Variants in AMOT observed in about 807,000 individuals in gnomAD.
AMOT encodes angiomotin.
Under a neutral mutation model 67.0 loss-of-function variants are expected in AMOT, and 11 were observed. That is an observed-to-expected ratio of 0.16 (90% CI 0.10 to 0.27). AMOT has a LOEUF of 0.27. Ranked by LOEUF, AMOT falls within the 10% of genes least tolerant of loss-of-function variation. The pLI is 1.00. For missense variants in AMOT, 753 were observed against 852.0 expected (o/e 0.88, Z 1.45); for synonymous variants, 326 against 321.4 (o/e 1.01, Z -0.15).
chrX:112,815,305 A>G, intron 5 of AMOT, 53 bp downstream of exon 5: 1 of 1,143,461 alleles, frequency 8.7e-7, no homozygotes. Flanking sequence ...ATATTAAACA[A>G]GTCTCACAAA....
At chrX:112,805,782 A>C (rs5974282) in intron 7 of AMOT, among the ~76,000 whole-genome samples, 10,526 of 111,007 alleles carry the variant, frequency 0.095, 446 homozygotes, top group Admixed American at 0.2. Context: ...CTTTTATCCT[A>C]CTCCTTCTCC....
At chrX:112,829,574 A>G (rs1469735561) in intron 2 of AMOT, among the ~76,000 whole-genome samples, 1 of 112,054 alleles carries the variant, frequency 8.9e-6, no homozygotes, top group Non-Finnish European at 1.9e-5. Context: ...AATACACTCT[A>G]TTGCAAACAT....
At chrX:112,833,442 C>G (rs952804127) in intron 1 of AMOT, among the ~76,000 whole-genome samples, 1 of 103,597 alleles carries the variant, frequency 9.7e-6, no homozygotes, top group African/African-American at 3.6e-5. Context: ...CCCAACTGGT[C>G]CCAGCCTGAG....
At position 112,787,065 on chromosome X, in the gene AMOT, G is replaced by A. The variant is rs192244319; in HGVS notation, c.2117+3527C>T. ...CATATGCATCAAAATGCCTCCTCCT[G>A]GACTCTTTAAGGCTAAAAACCTAGG... On this transcript the variant is annotated intron_variant, in intron 10 of 13. Coordinates refer to ENST00000371959, the MANE Select transcript of AMOT (RefSeq NM_001113490.2). Among the ~76,000 whole-genome samples, 420 of 111,104 alleles carry A rather than the reference G, an allele frequency of 3.8e-3. 1 individual carries two copies. Among genetic ancestry groups the A allele is most frequent in the African/African-American group, 0.013 (400 of 30,520 alleles).
chrX:112,807,060 G>T (rs1321497615), intron 7 of AMOT, among the ~76,000 whole-genome samples: 1 of 111,467 alleles, frequency 9.0e-6, no homozygotes, highest in African/African-American at 3.3e-5. Context: ...GAGTTTTTGG[G>T]ATTTTGTTTG....
chrX:112,811,231 G>T lies in AMOT; in HGVS notation c.1537+18C>A. 2 of 1,208,943 alleles carry T rather than the reference G, an allele frequency of 1.7e-6. No individual in the cohort carries two copies. The highest frequency in any genetic ancestry group is 2.2e-6 in the Non-Finnish European group (2 of 893,743). Reference sequence around the variant, plus strand: ...AGCTGCTTCAGAAGTACAAAGACAAGTCTGTTGGTTCCCTCACCTCTCAGA... The same window carrying T: ...AGCTGCTTCAGAAGTACAAAGACAATTCTGTTGGTTCCCTCACCTCTCAGA... On this transcript the variant is annotated intron_variant, in intron 6 of 13. Coordinates refer to ENST00000371959, the MANE Select transcript of AMOT (RefSeq NM_001113490.2).
intron 5 of AMOT, among the ~76,000 whole-genome samples, chrX:112,814,154 C>G (rs1169647966): frequency 9.0e-6 from 1 of 110,657 alleles, no homozygotes; most frequent in Non-Finnish European, 1.9e-5. Context: ...TGCCTGTAAT[C>G]CCAGCTACTC....
At chrX:112,800,856 T>A (rs751882505) in intron 8 of AMOT, among the ~76,000 whole-genome samples, 145 of 111,802 alleles carry the variant, frequency 1.3e-3, no homozygotes, top group Middle Eastern at 4.6e-3. Context: ...CAATGTGACA[T>A]CTACATCATC....
intron 10 of AMOT, among the ~76,000 whole-genome samples, chrX:112,786,396 C>A (rs1209773829): frequency 8.9e-6 from 1 of 111,959 alleles, no homozygotes. Flanking sequence ...TCTTGTCATC[C>A]TTTTGCTGCT....
Position 112,823,066 on chromosome X carries a change from C to T in AMOT, c.61G>A (p.Glu21Lys). ...GTTVLQRLLQ[E>K]QLRYGNPSEN... ...CTAGGATTGCCATAGCGAAGCTGCT[C>T]TTGTAGCAAACGCTGCAATACCGTG... Residue 21 changes from glutamate to lysine, a missense_variant, in exon 4 of 14, where the codon GAG (glutamate) becomes AAG (lysine). By Grantham distance (56) the Glu-to-Lys change is moderately conservative (BLOSUM62 1). This residue lies in a region of AMOT where 118 missense variants were observed against 125.9 expected (regional missense o/e 0.94). Transcript: ENST00000371959. 2 of 1,167,598 alleles carry T rather than the reference C, an allele frequency of 1.7e-6. No individual in the cohort carries two copies. Among genetic ancestry groups the T allele is most frequent in the Non-Finnish European group, 2.3e-6 (2 of 872,961 alleles).
intron 3 of AMOT, among the ~76,000 whole-genome samples, chrX:112,824,643 T>C (rs1284816205): frequency 1.8e-5 from 2 of 111,154 alleles, no homozygotes; most frequent in African/African-American, 6.6e-5. Flanking sequence ...CCCTCCAAAG[T>C]CCCTCTCATC....
At chrX:112,797,182 C>T (rs1045465757) in intron 8 of AMOT, among the ~76,000 whole-genome samples, 2 of 111,519 alleles carry the variant, frequency 1.8e-5, no homozygotes, top group Non-Finnish European at 3.8e-5. Context: ...CATCACTTAC[C>T]TAATTTTTCC....
At chrX:112,808,356 CCTT>C (rs1294000174) in intron 7 of AMOT, among the ~76,000 whole-genome samples, 1 of 111,414 alleles carries the variant, frequency 9.0e-6, no homozygotes, top group African/African-American at 3.3e-5. Flanking sequence ...TACCGGGCTG[CCTT>C]CTTCTAGGGT....
intron 4 of AMOT, among the ~76,000 whole-genome samples, chrX:112,818,253 C>T (rs1180426762): frequency 9.0e-5 from 10 of 111,195 alleles, no homozygotes; most frequent in Non-Finnish European, 1.9e-4. Context: ...ACCCAGGCCT[C>T]TCTCTCAAAC....
In AMOT at chrX:112,779,100, T is replaced by C. The variant is rs1933019241; in HGVS notation, c.3054A>G (p.Pro1018=). The C allele has an allele frequency of 8.5e-7, 1 of 1,181,313 alleles. No homozygotes were observed. The highest frequency in any genetic ancestry group is 2.3e-4 in the Middle Eastern group (1 of 4,256). The change falls in exon 13 of 14, where the codon CCA becomes CCG. Residue 1018 remains proline, a synonymous_variant. Coordinates refer to ENST00000371959, the MANE Select transcript of AMOT (RefSeq NM_001113490.2). Reference sequence around the variant, plus strand: ...CCTCAGCCTGAGCCACAGCTGGAGTTGGAGTTGGAGCTGGAGTTGGAGCCA... The same window carrying C: ...CCTCAGCCTGAGCCACAGCTGGAGTCGGAGTTGGAGCTGGAGTTGGAGCCA... ...PAVAPTPAPT[P]TPAVAQAEVP...
At position 112,822,340 on chromosome X, in the gene AMOT, A is replaced by G; in HGVS notation, c.787T>C (p.Tyr263His). The G allele has an allele frequency of 3.5e-6, 4 of 1,154,364 alleles. No individual in the cohort carries two copies. Among genetic ancestry groups the G allele is most frequent in the African/African-American group, 1.8e-5 (1 of 56,065 alleles). ...VCKPQEPGHFYSEHRLNQPGR... is the reference protein window; with the variant it reads ...VCKPQEPGHFHSEHRLNQPGR... ...GGCTGGTTCAGGCGATGCTCACTAT[A>G]GAAGTGCCCTGGCTCTTGGGGCTTG... is the stretch of plus-strand genomic sequence containing the variant. Residue 263 changes from tyrosine to histidine, a missense_variant, in exon 4 of 14, where the codon TAT (tyrosine) becomes CAT (histidine). Physicochemically the swap from Tyr to His is moderately conservative, Grantham distance 83 (BLOSUM62 2). Transcript: ENST00000371959.
chrX:112,824,587 C>G (rs761464527), intron 3 of AMOT, among the ~76,000 whole-genome samples: 1 of 111,227 alleles, frequency 9.0e-6, no homozygotes, highest in Non-Finnish European at 1.9e-5. Flanking sequence ...GTTACTGCTA[C>G]CTGGCTTCCA....
intron 10 of AMOT, 104 bp downstream of exon 10, chrX:112,790,487 TG>T: frequency 9.9e-6 from 9 of 911,567 alleles, no homozygotes; most frequent in South Asian, 5.9e-5. Flanking sequence ...AGGCAGAAAT[TG>T]GGGGGGAAAC....
chrX:112,830,850 G>T (rs1392594675), intron 2 of AMOT, among the ~76,000 whole-genome samples: 4 of 112,019 alleles, frequency 3.6e-5, no homozygotes, highest in Non-Finnish European at 7.5e-5. Context: ...CCCTTGGAAA[G>T]ATCTGACAGT....
Sources: allele counts gnomAD v4.1 joint callset (sites outside exome capture counted in the v4.1 genomes callset), GRCh38; gene constraint gnomAD v4.1.1; regional missense constraint gnomAD v4.1.1; transcripts MANE v1.5; gene names NCBI Gene and HGNC (gene_info 2026-07-23, HGNC 2026-07-21).